TSHZ1: variants seen among roughly 807,000 people sequenced by gnomAD.
TSHZ1 encodes teashirt homolog 1.
A neutral mutation model predicts 67.1 loss-of-function variants in TSHZ1; 12 were observed. The observed-to-expected ratio is 0.18, with a 90% confidence interval of 0.11 to 0.29. The LOEUF (loss-of-function observed/expected upper bound fraction) is 0.29. Among genes scored for constraint, TSHZ1 ranks in the 10% least tolerant of loss-of-function variants. TSHZ1 has a pLI of 1.00. For missense variants in TSHZ1, 1,305 were observed against 1,413.9 expected (o/e 0.92, Z 1.23); for synonymous variants, 632 against 622.4 (o/e 1.02, Z -0.23).
intron 1 of TSHZ1, among the ~76,000 whole-genome samples, chr18:75,269,820 C>G (rs375414541): frequency 2.6e-5 from 4 of 152,126 alleles, no homozygotes; most frequent in Non-Finnish European, 5.9e-5. Context: ...TCCCAGCCCC[C>G]CTGGCTCCCA....
intron 1 of TSHZ1, among the ~76,000 whole-genome samples, chr18:75,233,261 A>G (rs1474842718): frequency 1.3e-5 from 2 of 152,238 alleles, no homozygotes; most frequent in Non-Finnish European, 2.9e-5. Context: ...TTTACATCCC[A>G]GTATATTCTC....
At chr18:75,261,086 G>A (rs1197452794) in intron 1 of TSHZ1, among the ~76,000 whole-genome samples, 8 of 151,942 alleles carry the variant, frequency 5.3e-5, no homozygotes, top group Non-Finnish European at 1.0e-4. Flanking sequence ...CTCCTCCCAC[G>A]GAGACAGAGA....
At position 75,286,476 on chromosome 18, in the gene TSHZ1, C is replaced by A. The variant is rs767665954; in HGVS notation, c.1069C>A (p.Gln357Lys). Residue 357 changes from glutamine (Q) to lysine (K), a missense_variant, in exon 2 of 2, where the codon CAG becomes AAG. Physicochemically the swap from Gln to Lys is moderately conservative, Grantham distance 53. This residue lies in a region of TSHZ1 where 909 missense variants were observed against 961.8 expected (regional missense o/e 0.95). Transcript: ENST00000580243. This position sits in a 1 kb window ranked among gnomAD's most constrained non-coding sequence, Gnocchi z 5.1. Reference sequence around the variant, plus strand: ...CCCCTCCACCAAAAAGCGGGCGCTTCAGGACCTGGCGCCCCCCTGCTCCCC... The same window carrying A: ...CCCCTCCACCAAAAAGCGGGCGCTTAAGGACCTGGCGCCCCCCTGCTCCCC... ...LVPSTKKRALQDLAPPCSPEP... is the reference protein window; with the variant it reads ...LVPSTKKRALKDLAPPCSPEP... 3 of 1,614,220 alleles carry A rather than the reference C, an allele frequency of 1.9e-6. No homozygotes were observed. The highest frequency in any genetic ancestry group is 2.5e-6 in the Non-Finnish European group (3 of 1,180,038).
In TSHZ1 at chr18:75,243,721, C is replaced by T. The variant is rs957863560; in HGVS notation, c.40+31805C>T. ...GAATGACAGGCACCATGTATTTTCA[C>T]CTGTAACATCAATCTTTTGACTTAG... On this transcript the variant is annotated intron_variant, in intron 1 of 1. Coordinates refer to ENST00000580243, the MANE Select transcript of TSHZ1 (RefSeq NM_001308210.2). 3.3e-5 allele frequency among the ~76,000 whole-genome samples: 5 copies of T among 152,198 alleles called. No individual in the cohort carries two copies. The South Asian group carries it at 1.0e-3, about 32-fold the overall frequency.
At chr18:75,229,716 G>GCTT (rs1289372435) in intron 1 of TSHZ1, among the ~76,000 whole-genome samples, 1 of 152,232 alleles carries the variant, frequency 6.6e-6, no homozygotes, top group Non-Finnish European at 1.5e-5. Flanking sequence ...GAAGAAAGCA[G>GCTT]GAAGCTGTTT....
chr18:75,288,122 C>T lies in TSHZ1; in HGVS notation c.2715C>T (p.Ala905=). 6.2e-7 allele frequency: 1 copy of T among 1,613,882 alleles called. No individual in the cohort carries two copies. Among genetic ancestry groups the T allele is most frequent in the Non-Finnish European group, 8.5e-7 (1 of 1,180,042 alleles). The change falls in exon 2 of 2, where the codon GCC becomes GCT. Residue 905 remains alanine (A), a synonymous_variant. Coordinates refer to ENST00000580243, the MANE Select transcript of TSHZ1 (RefSeq NM_001308210.2). This position sits in a 1 kb window ranked among gnomAD's most constrained non-coding sequence, Gnocchi z 4.9. ...TTCTCATCCTGCAGGCCCAGTTCGC[C>T]TCGAGCTTGCGGGAGACCACAGAGG... The part of the protein sequence containing the change: ...QHLLILQAQF[A]SSLRETTEGK...
intron 1 of TSHZ1, among the ~76,000 whole-genome samples, chr18:75,235,307 G>A (rs1376462959): frequency 2.0e-5 from 3 of 152,156 alleles, no homozygotes; most frequent in Non-Finnish European, 4.4e-5. Flanking sequence ...CTTCCAGGGG[G>A]ACTGCCGGTC....
intron 1 of TSHZ1, among the ~76,000 whole-genome samples, chr18:75,269,522 G>C (rs866847745): frequency 1.3e-5 from 2 of 152,178 alleles, no homozygotes; most frequent in South Asian, 2.1e-4. Context: ...GCTGGAGCCT[G>C]TTTGTCGAGG....
rs759690423 is a variant in TSHZ1, at chr18:75,287,009, G to A, written c.1602G>A (p.Pro534=). Reference sequence around the variant, plus strand: ...AATTTGAGCCCAGCACCCTGTACCCGTACCTGCGTGAGGAGGACCTGGACG... The same window carrying A: ...AATTTGAGCCCAGCACCCTGTACCCATACCTGCGTGAGGAGGACCTGGACG... ...LEKFEPSTLY[P]YLREEDLDDS... is the part of the protein sequence containing the mutation. Residue 534 remains proline (P), a synonymous_variant, in exon 2 of 2, where the codon CCG becomes CCA. Transcript: ENST00000580243. This position sits in a 1 kb window ranked among gnomAD's most constrained non-coding sequence, Gnocchi z 5.0. 31 of 1,613,806 alleles carry A rather than the reference G, an allele frequency of 1.9e-5. No homozygotes were observed. In the Admixed American group the frequency reaches 2.2e-4, roughly 11 times the overall value.
At chr18:75,245,754 A>G (rs949224876) in intron 1 of TSHZ1, among the ~76,000 whole-genome samples, 1 of 152,090 alleles carries the variant, frequency 6.6e-6, no homozygotes, top group Non-Finnish European at 1.5e-5. Flanking sequence ...GTGTTCTTCT[A>G]TTTCTCCATC....
chr18:75,259,394 A>T (rs1187945805), intron 1 of TSHZ1, among the ~76,000 whole-genome samples: 1 of 152,148 alleles, frequency 6.6e-6, no homozygotes, highest in Non-Finnish European at 1.5e-5. Context: ...ATAAATGCAT[A>T]AGTTTTAAGT....
chr18:75,245,403 A>G (rs1052000798), intron 1 of TSHZ1: 4 of 152,184 alleles, frequency 2.6e-5, no homozygotes, highest in Non-Finnish European at 5.9e-5. Flanking sequence ...TTTTAAGGGT[A>G]TGTCAGTGTT....
In TSHZ1 at chr18:75,286,505, G is replaced by A; in HGVS notation, c.1098G>A (p.Glu366=). 1.2e-6 allele frequency: 2 copies of A among 1,614,192 alleles called. No individual in the cohort carries two copies. The highest frequency in any genetic ancestry group is 1.7e-6 in the Non-Finnish European group (2 of 1,180,040). ...ACCTGGCGCCCCCCTGCTCCCCTGAGCCAGCAGGAATGGCCGCAGAGGTGG... is the reference window on the plus strand; with the variant it reads ...ACCTGGCGCCCCCCTGCTCCCCTGAACCAGCAGGAATGGCCGCAGAGGTGG... The part of the protein sequence containing the change: ...LQDLAPPCSP[E]PAGMAAEVAL... The change falls in exon 2 of 2, where the codon GAG becomes GAA. Residue 366 remains glutamate, a synonymous_variant. Transcript: ENST00000580243. This position sits in a 1 kb window ranked among gnomAD's most constrained non-coding sequence, Gnocchi z 5.1.
intron 1 of TSHZ1, 148 bp from the exon 2 acceptor site, chr18:75,285,300 A>C: frequency 1.1e-6 from 1 of 939,464 alleles, no homozygotes; most frequent in Non-Finnish European, 1.5e-6. Context: ...TAACTCCTGC[A>C]AAGGGGTAGA....
rs181619760 is a variant in TSHZ1 at position 75,285,969 on chromosome 18, A to G, written c.562A>G (p.Thr188Ala). Residue 188 changes from threonine to alanine, a missense_variant, in exon 2 of 2, where the codon ACC becomes GCC. Thr to Ala is a moderately conservative substitution (Grantham distance 58). Coordinates refer to ENST00000580243, the MANE Select transcript of TSHZ1 (RefSeq NM_001308210.2). ...CAGCTCCAGCACCAGCCACAGCAGT[A>G]CCACCAGTACCAGCAGCAGCTCCGG... Reference protein sequence around the residue: ...SCSSSTSHSSTTSTSSSSGYD... With the variant: ...SCSSSTSHSSATSTSSSSGYD... 5.7e-5 allele frequency: 90 copies of G among 1,588,642 alleles called. No individual in the cohort carries two copies. Among genetic ancestry groups the G allele is most frequent in the Admixed American group, 2.3e-4 (13 of 56,762 alleles).
At position 75,286,036 on chromosome 18, in the gene TSHZ1, A is replaced by G; in HGVS notation, c.629A>G (p.Gln210Arg). 2 of 1,612,872 alleles carry G rather than the reference A, an allele frequency of 1.2e-6. No individual in the cohort carries two copies. Among genetic ancestry groups the G allele is most frequent in the Non-Finnish European group, 8.5e-7 (1 of 1,179,660 alleles). Residue 210 changes from glutamine to arginine, a missense_variant, in exon 2 of 2, where the codon CAG becomes CGG. This residue lies in a region of TSHZ1 where 358 missense variants were observed against 375.6 expected (regional missense o/e 0.95). Coordinates refer to ENST00000580243, the MANE Select transcript of TSHZ1 (RefSeq NM_001308210.2). This position sits in a 1 kb window ranked among gnomAD's most constrained non-coding sequence, Gnocchi z 5.1. ...HQAALAKTLQ[Q>R]TSSYGLLPEP... ...GCTGCACTGGCCAAGACGCTGCAGC[A>G]GACGTCCTCGTATGGGCTGCTTCCT... is the stretch of plus-strand genomic sequence containing the variant.
In TSHZ1 at chr18:75,286,823, C is replaced by T. The variant is rs1568370540; in HGVS notation, c.1416C>T (p.Pro472=). 1 of 1,613,968 alleles carries T rather than the reference C, an allele frequency of 6.2e-7. No individual in the cohort carries two copies. Among genetic ancestry groups the T allele is most frequent in the Non-Finnish European group, 8.5e-7 (1 of 1,180,012 alleles). Residue 472 remains proline (P), a synonymous_variant, in exon 2 of 2, where the codon CCC becomes CCT. Coordinates refer to ENST00000580243, the MANE Select transcript of TSHZ1 (RefSeq NM_001308210.2). This position sits in a 1 kb window ranked among gnomAD's most constrained non-coding sequence, Gnocchi z 5.1. ...AGATCCAGTCCATCCCACTACCGCC[C>T]ACCACCCACACGCGGCTGCCGGCCT... ...EEKIQSIPLP[P]TTHTRLPASS...
intron 1 of TSHZ1, among the ~76,000 whole-genome samples, chr18:75,278,617 G>A (rs377108331): frequency 1.2e-4 from 18 of 152,012 alleles, no homozygotes; most frequent in African/African-American, 2.7e-4. Context: ...TCAGCGCACC[G>A]TGAAAGACCG....
At chr18:75,272,322 C>A (rs1394115518) in intron 1 of TSHZ1, among the ~76,000 whole-genome samples, 1 of 152,196 alleles carries the variant, frequency 6.6e-6, no homozygotes, top group Non-Finnish European at 1.5e-5. Context: ...TCTTTTCATT[C>A]TAAGGGAGGA....
Sources: allele counts gnomAD v4.1 joint callset (sites outside exome capture counted in the v4.1 genomes callset), GRCh38; gene constraint gnomAD v4.1.1; regional missense constraint gnomAD v4.1.1; non-coding constraint Gnocchi (gnomAD v3.1); transcripts MANE v1.5; gene names NCBI Gene and HGNC (gene_info 2026-07-23, HGNC 2026-07-21).